The following SYT3 variants were observed in gnomAD, a reference collection of about 807,000 sequenced individuals.
SYT3 encodes the protein synaptotagmin 3.
In SYT3, 25 loss-of-function variants were observed where a neutral mutation model predicts 50.6. The observed-to-expected ratio is 0.49, with a 90% confidence interval of 0.36 to 0.69. The LOEUF (loss-of-function observed/expected upper bound fraction) is 0.69, where lower values mean the gene tolerates loss of function less well. SYT3 is among the 30% of genes least tolerant of loss of function. The probability of loss-of-function intolerance (pLI) is 0.00; values close to 1 mark genes in which losing one functional copy is unlikely to be tolerated. For missense variants in SYT3, 589 were observed against 793.6 expected (o/e 0.74, Z 3.10); for synonymous variants, 323 against 353.9 (o/e 0.91, Z 0.98).
intron 9 of SYT3, among the ~76,000 whole-genome samples, chr19:50,623,837 A>AAAAAAAATCAAAATTAATGC (rs1229791101): frequency 1.3e-5 from 2 of 151,748 alleles, no homozygotes; most frequent in African/African-American, 4.8e-5. Flanking sequence ...GCAAGATTTT[A>AAAAAAAATCAAAATTAATGC]AAAAAAATCA....
rs529397903 is a variant in SYT3 at position 50,623,613 on chromosome 19, C to CAAAAAAAAAAAAAAA, written c.1708-873_1708-859dup. ...ACAACATGGCAAAACCCTGTCTCTA[C>CAAAAAAAAAAAAAAA]AAAAAAAAAAAAAAAAAAAAAAAAA... is the stretch of plus-strand genomic sequence containing the variant. On this transcript the variant is annotated intron_variant, in intron 9 of 10. Transcript: ENST00000600079. Among the ~76,000 whole-genome samples the CAAAAAAAAAAAAAAA allele has an allele frequency of 4.0e-4, 37 of 91,608 alleles. 1 individual carries two copies. The highest frequency in any genetic ancestry group is 5.0e-4 in the Non-Finnish European group (24 of 48,482). 60.1% of individuals were successfully genotyped at this position (91,608 alleles called of 152,430 possible).
the SYT3 span, among the ~76,000 whole-genome samples, chr19:50,645,661 T>C: frequency 6.6e-6 from 1 of 152,138 alleles, no homozygotes; most frequent in Non-Finnish European, 1.5e-5. Flanking sequence ...GGCAGATAGC[T>C]TGAGCTCAAG....
At position 50,632,407 on chromosome 19, in the gene SYT3, A is replaced by G. The variant is rs1364668409; in HGVS notation, c.553T>C (p.Ser185Pro). ...VAAGVKPSQT[S>P]PELPSEGGAG... ...CCCCCCTCAGAGGGCAGCTCAGGGG[A>G]TGTTTGGCTCGGTTTGACCCCAGCG... The change falls in exon 4 of 11, where the codon TCC (serine) becomes CCC (proline). Residue 185 changes from serine to proline, a missense_variant. Around this residue, in one of 2 missense-constraint regions of SYT3, gnomAD observed 316 missense variants for 354.3 expected, o/e 0.89. Coordinates refer to ENST00000600079, the MANE Select transcript of SYT3 (RefSeq NM_001160329.2). The surrounding 1 kb of genome is among the most constrained non-coding windows in gnomAD (Gnocchi z 4.7). 6.2e-7 allele frequency: 1 copy of G among 1,613,696 alleles called. No individual in the cohort carries two copies.
chr19:50,628,547 G>A (rs544581858), intron 6 of SYT3, among the ~76,000 whole-genome samples: 1 of 152,242 alleles, frequency 6.6e-6, no homozygotes, highest in East Asian at 1.9e-4. Context: ...AATGTCAGGG[G>A]TTGGGAAAAT....
At chr19:50,624,340 GAAGT>G (rs1438930894) in intron 9 of SYT3, among the ~76,000 whole-genome samples, 1 of 152,142 alleles carries the variant, frequency 6.6e-6, no homozygotes, top group Non-Finnish European at 1.5e-5. Context: ...ACTGAAAAAT[GAAGT>G]AAGTGTGTTG....
At position 50,625,765 on chromosome 19, in the gene SYT3, C is replaced by T. The variant is rs1471590850; in HGVS notation, c.1402+132G>A. ...GGAGTCCAGGCCCCTGGCCCCTCCT[C>T]CCTCAGACCCAGGAGTCCAGATCCC... On this transcript the variant is annotated intron_variant, in intron 7 of 10. Coordinates refer to ENST00000600079, the MANE Select transcript of SYT3 (RefSeq NM_001160329.2). The surrounding 1 kb of genome is among the most constrained non-coding windows in gnomAD (Gnocchi z 7.5). 7.2e-6 allele frequency: 5 copies of T among 693,162 alleles called. 1 individual carries two copies. The highest frequency in any genetic ancestry group is 9.0e-6 in the Non-Finnish European group (4 of 443,452). The allele number at this position is 693,162 out of a possible 1,614,324, so 42.9% of individuals were successfully genotyped here. A position where few individuals can be genotyped will look rare whatever the true frequency, so the allele number is the denominator to read the frequency against.
chr19:50,649,713 C>T, the SYT3 span: 1 of 689,880 alleles, frequency 1.4e-6, no homozygotes, highest in Non-Finnish European at 2.6e-6. Context: ...TCTGCAGTTC[C>T]TTGGCCAATG....
Position 50,637,074 on chromosome 19 carries a change from T to C in SYT3, c.148+190A>G, listed in dbSNP as rs1984517759. On this transcript the variant is annotated intron_variant, in intron 3 of 10. Coordinates refer to ENST00000600079, the MANE Select transcript of SYT3 (RefSeq NM_001160329.2). This position sits in a 1 kb window ranked among gnomAD's most constrained non-coding sequence, Gnocchi z 4.9. ...CGGAGGGAGGCCCACAGGGCAAAAC[T>C]CAAAAAGCAGACCACACAGCTCCTT... Among the ~76,000 whole-genome samples, 1 of 151,968 alleles carries C rather than the reference T, an allele frequency of 6.6e-6. No homozygotes were observed. The highest frequency in any genetic ancestry group is 2.1e-4 in the South Asian group (1 of 4,818).
Position 50,626,184 on chromosome 19 carries a change from C to T in SYT3, c.1282-167G>A, listed in dbSNP as rs1380563439. ...GGGACAAGGCCCAGTAATTCCCTGGCCACAGCTGCCCATGACCATCAAAGC... is the reference window on the plus strand; with the variant it reads ...GGGACAAGGCCCAGTAATTCCCTGGTCACAGCTGCCCATGACCATCAAAGC... On this transcript the variant is annotated intron_variant, in intron 6 of 10. Transcript: ENST00000600079. 6.9e-6 allele frequency: 7 copies of T among 1,021,410 alleles called. No homozygotes were observed. The Admixed American group carries it at 8.6e-5, about 13-fold the overall frequency. The allele number at this position is 1,021,410 out of a possible 1,614,324, so 63.3% of individuals were successfully genotyped here. A position where few individuals can be genotyped will look rare whatever the true frequency, so the allele number is the denominator to read the frequency against.
chr19:50,642,005 C>T (rs1037631362), upstream of SYT3, among the ~76,000 whole-genome samples: 9 of 152,144 alleles, frequency 5.9e-5, no homozygotes, highest in African/African-American at 2.2e-4. Flanking sequence ...TAGATTACAC[C>T]CTACCCCTAT....
the SYT3 span, among the ~76,000 whole-genome samples, chr19:50,644,918 G>A: frequency 3.3e-5 from 5 of 151,606 alleles, no homozygotes; most frequent in East Asian, 7.8e-4. Flanking sequence ...GGATGGTTGG[G>A]TGGATGTTGG....
chr19:50,630,657 A>G (rs1439686755), intron 4 of SYT3, among the ~76,000 whole-genome samples: 1 of 152,080 alleles, frequency 6.6e-6, no homozygotes, highest in African/African-American at 2.4e-5. Flanking sequence ...TCCTGACCTC[A>G]GATGATCTGC....
At chr19:50,627,896 AC>A (rs1984134754) in intron 6 of SYT3, among the ~76,000 whole-genome samples, 1 of 152,172 alleles carries the variant, frequency 6.6e-6, no homozygotes, top group Non-Finnish European at 1.5e-5. Context: ...ATGGGTGATG[AC>A]TGGGAGTAGG....
At chr19:50,641,603 T>C (rs1008134364), upstream of SYT3, among the ~76,000 whole-genome samples, 2 of 151,504 alleles carry the variant, frequency 1.3e-5, no homozygotes, top group African/African-American at 2.4e-5. Flanking sequence ...TCCTAGCACT[T>C]TGGGAGGCCA....
At chr19:50,640,108 G>A (rs1984634371), upstream of SYT3, among the ~76,000 whole-genome samples, 1 of 152,174 alleles carries the variant, frequency 6.6e-6, no homozygotes, top group Non-Finnish European at 1.5e-5. Context: ...CTATCTCACA[G>A]AGGTAGAAGT....
chr19:50,644,622 G>A (rs528250378), upstream of SYT3, among the ~76,000 whole-genome samples: 1 of 152,162 alleles, frequency 6.6e-6, no homozygotes, highest in South Asian at 2.1e-4. Flanking sequence ...GTGGTTGAAT[G>A]GATAGAAGAT....
rs145378162 is a variant in SYT3 at position 50,632,647 on chromosome 19, C to T, written c.313G>A (p.Gly105Arg). 2.8e-4 allele frequency: 450 copies of T among 1,584,578 alleles called. No individual in the cohort carries two copies. The highest frequency in any genetic ancestry group is 3.5e-4 in the Non-Finnish European group (407 of 1,165,460). The change falls in exon 4 of 11, where the codon GGG (glycine) becomes AGG (arginine). Residue 105 changes from glycine (G) to arginine (R), a missense_variant. Physicochemically the swap from Gly to Arg is moderately radical, Grantham distance 125. Coordinates refer to ENST00000600079, the MANE Select transcript of SYT3 (RefSeq NM_001160329.2). This position sits in a 1 kb window ranked among gnomAD's most constrained non-coding sequence, Gnocchi z 4.7. ...CCTCCGCCTACCAGGCCTGCCAGCC[C>T]GACACCAGGGCCTAGGTCTTTGCGC... ...PLRKDLGPGVGLAGLVGGGGH... is the reference protein window; with the variant it reads ...PLRKDLGPGVRLAGLVGGGGH...
chr19:50,651,522 C>A, the SYT3 span, among the ~76,000 whole-genome samples: 1 of 152,102 alleles, frequency 6.6e-6, no homozygotes, highest in Non-Finnish European at 1.5e-5. Flanking sequence ...TCATTCATCT[C>A]TTGGTCCCCA....
the SYT3 span, among the ~76,000 whole-genome samples, chr19:50,645,515 G>A: frequency 0.14 from 21,820 of 152,062 alleles, 1,781 homozygotes; most frequent in South Asian, 0.18. Context: ...AGAGAAAGAT[G>A]GAGATACAGA....
Sources: gnomAD v4.1 joint callset for allele counts (sites outside exome capture counted in the v4.1 genomes callset) on GRCh38, gnomAD v4.1.1 for gene constraint, gnomAD v4.1.1 regional missense constraint, Gnocchi (gnomAD v3.1) non-coding constraint, MANE v1.5 for transcripts, NCBI Gene and HGNC (gene_info 2026-07-23, HGNC 2026-07-21) for gene names.